The following KYAT1 variants were observed in gnomAD, a reference collection of about 807,000 sequenced individuals.
KYAT1 encodes kynurenine aminotransferase 1, also known as kynurenine--oxoglutarate transaminase 1.
In KYAT1, 47 loss-of-function variants were observed where a neutral mutation model predicts 52.4. The ratio of observed to expected loss-of-function variants is 0.90; its 90% CI spans 0.71 to 1.14. KYAT1 has a LOEUF of 1.14. Ranked by LOEUF, KYAT1 falls within the 50% of genes most tolerant of loss-of-function variation. The probability of loss-of-function intolerance (pLI) is 0.00; values close to 1 mark genes in which losing one functional copy is unlikely to be tolerated. For synonymous variants in KYAT1, 212 were observed against 209.6 expected, an observed-to-expected ratio of 1.01 and a Z score of -0.10; for missense variants, 480 against 557.9, an observed-to-expected ratio of 0.86 and a Z score of 1.41.
chr9:128,866,685 A>C (rs965230730), intron 1 of KYAT1, among the ~76,000 whole-genome samples: 2 of 151,542 alleles, frequency 1.3e-5, no homozygotes, highest in African/African-American at 4.9e-5. Flanking sequence ...TAAGGCGGGC[A>C]GATCACTTGA....
intron 1 of KYAT1, among the ~76,000 whole-genome samples, chr9:128,880,729 A>G (rs747213552): frequency 6.6e-5 from 10 of 151,972 alleles, no homozygotes; most frequent in Non-Finnish European, 1.2e-4. Flanking sequence ...GGTGTGAACC[A>G]CCGCGCCCGG....
Position 128,861,256 on chromosome 9 carries a change from G to A in KYAT1, c.-6-15845C>T, listed in dbSNP as rs117503950. Among the ~76,000 whole-genome samples, 631 of 152,274 alleles carry A rather than the reference G, an allele frequency of 4.1e-3. 13 individuals carry two copies. Among genetic ancestry groups the A allele is most frequent in the East Asian group, 0.041 (214 of 5,178 alleles). On this transcript the variant is annotated intron_variant, in intron 1 of 12. Transcript: ENST00000302586. ...CATAATTCCCACGTGTCCTGGGAGG[G>A]ACCCAGTGGGAGGTAATTGAATCAT... is the stretch of plus-strand genomic sequence containing the variant.
At chr9:128,875,380 G>C (rs1435059167) in intron 1 of KYAT1, among the ~76,000 whole-genome samples, 1 of 151,434 alleles carries the variant, frequency 6.6e-6, no homozygotes, top group Non-Finnish European at 1.5e-5. Flanking sequence ...TTGGGAGGCC[G>C]AGGCAGACAG....
At chr9:128,852,994 T>C (rs1008073676) in intron 1 of KYAT1, among the ~76,000 whole-genome samples, 7 of 152,250 alleles carry the variant, frequency 4.6e-5, no homozygotes, top group African/African-American at 1.2e-4. Flanking sequence ...GGCATTATTG[T>C]TCAAAATACT....
chr9:128,865,501 T>C (rs1173039701), intron 1 of KYAT1, among the ~76,000 whole-genome samples: 2 of 149,714 alleles, frequency 1.3e-5, no homozygotes, highest in Admixed American at 6.7e-5. Flanking sequence ...TAGCTGGGAT[T>C]ACAGGCATGC....
At chr9:128,874,890 T>G (rs13295812) in intron 1 of KYAT1, among the ~76,000 whole-genome samples, 1 of 151,622 alleles carries the variant, frequency 6.6e-6, no homozygotes, top group South Asian at 2.1e-4. Context: ...ATGCCCGACT[T>G]ATTTTTGTAT....
At chr9:128,863,642 A>C (rs1835767381) in intron 1 of KYAT1, among the ~76,000 whole-genome samples, 1 of 152,192 alleles carries the variant, frequency 6.6e-6, no homozygotes, top group African/African-American at 2.4e-5. Flanking sequence ...AGCCAAGAGC[A>C]GAAGGGTACA....
chr9:128,872,411 T>C, intron 1 of KYAT1, among the ~76,000 whole-genome samples: 1 of 150,590 alleles, frequency 6.6e-6, no homozygotes, highest in East Asian at 2.0e-4. Flanking sequence ...GCCACTGCAC[T>C]CCAGCCTGGG....
intron 2 of KYAT1, among the ~76,000 whole-genome samples, chr9:128,843,778 G>A (rs1197202169): frequency 6.6e-6 from 1 of 152,126 alleles, no homozygotes; most frequent in African/African-American, 2.4e-5. Flanking sequence ...TTTCTGTCCT[G>A]TCCTATCCTA....
intron 1 of KYAT1, among the ~76,000 whole-genome samples, chr9:128,851,489 A>G (rs1833951331): frequency 6.6e-6 from 1 of 152,224 alleles, no homozygotes; most frequent in Admixed American, 6.5e-5. Context: ...CGCTATTTCA[A>G]ACAATAGAAC....
chr9:128,878,331 T>C (rs1838319631), intron 1 of KYAT1, among the ~76,000 whole-genome samples: 3 of 152,000 alleles, frequency 2.0e-5, no homozygotes, highest in African/African-American at 7.3e-5. Flanking sequence ...GATGGGGTTT[T>C]ACCACGTTGC....
At chr9:128,837,537 C>A in intron 6 of KYAT1, 148 bp downstream of exon 6, 1 of 903,204 alleles carries the variant, frequency 1.1e-6, no homozygotes, top group Non-Finnish European at 1.7e-6. Flanking sequence ...TGTCCTGGGA[C>A]CTCTGGAGTC....
intron 1 of KYAT1, among the ~76,000 whole-genome samples, chr9:128,865,334 T>C (rs1340256157): frequency 6.6e-3 from 16 of 2,426 alleles, no homozygotes; most frequent in African/African-American, 0.015. Flanking sequence ...TATATATATA[T>C]ATATATATAT....
chr9:128,836,298 C>CTT (rs1831103358), intron 7 of KYAT1, among the ~76,000 whole-genome samples: 3 of 100,474 alleles, frequency 3.0e-5, no homozygotes, highest in South Asian at 4.1e-4. Flanking sequence ...CCATTTCTTT[C>CTT]TTTGTTTTTT....
chr9:128,882,208 G>C (rs1839057812), upstream of KYAT1: 1 of 153,184 alleles, frequency 6.5e-6, no homozygotes. Flanking sequence ...GAGCGGCCGG[G>C]GCCTGGGGCT....
chr9:128,839,187 C>G (rs1831690530), intron 3 of KYAT1, among the ~76,000 whole-genome samples: 1 of 152,016 alleles, frequency 6.6e-6, no homozygotes, highest in Non-Finnish European at 1.5e-5. Context: ...TGGTTTCGAA[C>G]TTCTGACCTT....
At chr9:128,848,266 G>A (rs948332431) in intron 1 of KYAT1, among the ~76,000 whole-genome samples, 1 of 140,954 alleles carries the variant, frequency 7.1e-6, no homozygotes, top group African/African-American at 2.6e-5. Flanking sequence ...GCTACAGTGA[G>A]CCATGATCCC....
At chr9:128,849,985 A>C (rs542785696) in intron 1 of KYAT1, among the ~76,000 whole-genome samples, 1 of 150,150 alleles carries the variant, frequency 6.7e-6, no homozygotes, top group Non-Finnish European at 1.5e-5. Flanking sequence ...CCTGGGTTCA[A>C]GTGATTCTCC....
intron 1 of KYAT1, among the ~76,000 whole-genome samples, chr9:128,852,940 C>T (rs1045307290): frequency 3.3e-5 from 5 of 152,154 alleles, no homozygotes; most frequent in Admixed American, 2.0e-4. Context: ...GATCATTTAG[C>T]CCCACTCCAA....
Sources: gnomAD v4.1 joint callset for allele counts (sites outside exome capture counted in the v4.1 genomes callset) on GRCh38, gnomAD v4.1.1 for gene constraint, MANE v1.5 for transcripts, NCBI Gene and HGNC (gene_info 2026-07-23, HGNC 2026-07-21) for gene names.